Variants in SYT16 observed in about 807,000 individuals in gnomAD.
SYT16 encodes the protein synaptotagmin 16.
Under a neutral mutation model 61.4 loss-of-function variants are expected in SYT16, and 42 were observed. The ratio of observed to expected loss-of-function variants is 0.68; its 90% CI spans 0.53 to 0.89. The LOEUF is 0.89. SYT16 is among the 40% of genes least tolerant of loss of function. The pLI is 0.00. For missense variants in SYT16, 804 were observed against 807.3 expected (o/e 1.00, Z 0.05); for synonymous variants, 314 against 302.3 (o/e 1.04, Z -0.40).
At chr14:62,081,840 G>A (rs763021070) in intron 6 of SYT16, among the ~76,000 whole-genome samples, 3 of 152,208 alleles carry the variant, frequency 2.0e-5, no homozygotes, top group Non-Finnish European at 4.4e-5. Flanking sequence ...ATGTCATGTA[G>A]TATGCCCATC....
Position 62,103,938 on chromosome 14 carries a change from A to T in SYT16, c.*3231A>T, listed in dbSNP as rs1003063668. 1 of 152,234 alleles carries T rather than the reference A, an allele frequency of 6.6e-6. No individual in the cohort carries two copies. The highest frequency in any genetic ancestry group is 2.4e-5 in the African/African-American group (1 of 41,472). 9.4% of individuals were successfully genotyped at this position (152,234 alleles called of 1,614,324 possible). A position where few individuals can be genotyped will look rare whatever the true frequency, so the allele number is the denominator to read the frequency against. On this transcript the variant is annotated 3_prime_UTR_variant, in exon 8 of 8. Coordinates refer to ENST00000683842, the MANE Select transcript of SYT16 (RefSeq NM_001367656.1). ...AATATTCTCCATAGTCCTAGGTGCCAGTGAGCCTGAAACACAGCTTCTGCC... is the reference window on the plus strand; with the variant it reads ...AATATTCTCCATAGTCCTAGGTGCCTGTGAGCCTGAAACACAGCTTCTGCC...
At chr14:62,082,630 C>T (rs1443349550) in intron 6 of SYT16, among the ~76,000 whole-genome samples, 1 of 152,200 alleles carries the variant, frequency 6.6e-6, no homozygotes, top group Non-Finnish European at 1.5e-5. Context: ...CAGATGATGT[C>T]TCAGCTCTGC....
intron 1 of SYT16, among the ~76,000 whole-genome samples, chr14:61,849,698 G>A (rs1490183404): frequency 1.3e-5 from 2 of 152,196 alleles, no homozygotes; most frequent in East Asian, 1.9e-4. Context: ...GGGTGGGAGA[G>A]GGGTGGCATT....
intron 1 of SYT16, among the ~76,000 whole-genome samples, chr14:61,837,973 C>A (rs1367623770): frequency 1.3e-5 from 2 of 152,188 alleles, no homozygotes; most frequent in Non-Finnish European, 2.9e-5. Flanking sequence ...TAGCTTTAAA[C>A]AGAAATATAT....
chr14:61,828,829 A>T (rs2045852104), intron 1 of SYT16, among the ~76,000 whole-genome samples: 1 of 152,234 alleles, frequency 6.6e-6, no homozygotes, highest in South Asian at 2.1e-4. Flanking sequence ...GACAGACAAT[A>T]CAGATCAAAT....
chr14:61,956,230 T>C (rs1339623899), intron 1 of SYT16, among the ~76,000 whole-genome samples: 1 of 152,094 alleles, frequency 6.6e-6, no homozygotes, highest in East Asian at 1.9e-4. Flanking sequence ...TCTGAAAATA[T>C]TTTCCCTCAT....
intron 2 of SYT16, among the ~76,000 whole-genome samples, chr14:61,991,972 T>TCATG (rs1429736520): frequency 6.6e-6 from 1 of 151,276 alleles, no homozygotes; most frequent in African/African-American, 2.5e-5. Context: ...ATTCATTCAT[T>TCATG]CATTCATTCA....
intron 1 of SYT16, among the ~76,000 whole-genome samples, chr14:61,917,000 C>G (rs886247839): frequency 6.6e-6 from 1 of 152,068 alleles, no homozygotes; most frequent in Admixed American, 6.6e-5. Flanking sequence ...TTGATAGACA[C>G]TTAGGTTGAT....
intron 3 of SYT16, among the ~76,000 whole-genome samples, chr14:62,007,687 A>T (rs188368971): frequency 1.3e-5 from 2 of 152,142 alleles, no homozygotes; most frequent in African/African-American, 4.8e-5. Flanking sequence ...AGACAATTCA[A>T]TCCTTACTTT....
At chr14:62,052,267 T>C (rs887525757) in intron 3 of SYT16, among the ~76,000 whole-genome samples, 1 of 152,214 alleles carries the variant, frequency 6.6e-6, no homozygotes, top group Non-Finnish European at 1.5e-5. Context: ...TGATATGTGA[T>C]GTGTTCATTA....
At chr14:61,931,407 G>A (rs2049760723) in intron 1 of SYT16, among the ~76,000 whole-genome samples, 1 of 151,722 alleles carries the variant, frequency 6.6e-6, no homozygotes, top group Admixed American at 6.6e-5. Context: ...TTATGTGATA[G>A]CATTTTATTG....
intron 1 of SYT16, among the ~76,000 whole-genome samples, chr14:61,821,729 C>T (rs1329124888): frequency 6.6e-6 from 1 of 152,178 alleles, no homozygotes; most frequent in Non-Finnish European, 1.5e-5. Flanking sequence ...TGGCTAGTAG[C>T]AAGTCATAGG....
intron 3 of SYT16, among the ~76,000 whole-genome samples, chr14:62,015,533 G>C (rs936866050): frequency 2.0e-5 from 3 of 152,148 alleles, no homozygotes; most frequent in Non-Finnish European, 4.4e-5. Context: ...GCTATGATCT[G>C]AAGGTTTTTG....
At chr14:61,914,482 G>A (rs967714276) in intron 1 of SYT16, among the ~76,000 whole-genome samples, 1 of 152,100 alleles carries the variant, frequency 6.6e-6, no homozygotes, top group Non-Finnish European at 1.5e-5. Context: ...TTTCACTTAA[G>A]TGTCCAGTAG....
intron 1 of SYT16, chr14:61,864,954 T>C (rs949658321): frequency 2.8e-5 from 37 of 1,320,462 alleles, no homozygotes; most frequent in Non-Finnish European, 3.9e-5. Context: ...GCCTTGAAAG[T>C]GCTGAAAATT....
intron 3 of SYT16, among the ~76,000 whole-genome samples, chr14:62,057,846 A>G (rs1393083746): frequency 6.6e-6 from 1 of 152,204 alleles, no homozygotes; most frequent in African/African-American, 2.4e-5. Context: ...GAGTTTTGAC[A>G]TATTGTACTT....
At chr14:62,004,455 C>T (rs1404589798) in intron 3 of SYT16, among the ~76,000 whole-genome samples, 2 of 151,970 alleles carry the variant, frequency 1.3e-5, no homozygotes, top group Non-Finnish European at 2.9e-5. Context: ...AGAGGGAAAC[C>T]GTATAATCCT....
Position 62,100,841 on chromosome 14 carries a change from G to A in SYT16, c.*134G>A. ...CTAACCCCTAGGACATTGTGAGTGGGAGTTTTGGGTTTCTCAATGGTCTGA... is the reference window on the plus strand; with the variant it reads ...CTAACCCCTAGGACATTGTGAGTGGAAGTTTTGGGTTTCTCAATGGTCTGA... On this transcript the variant is annotated 3_prime_UTR_variant, in exon 8 of 8. Transcript: ENST00000683842. 2 of 872,254 alleles carry A rather than the reference G, an allele frequency of 2.3e-6. No individual in the cohort carries two copies. Among genetic ancestry groups the A allele is most frequent in the South Asian group, 1.8e-5 (1 of 54,080 alleles). 54.0% of individuals were successfully genotyped at this position (872,254 alleles called of 1,614,324 possible).
chr14:62,033,234 A>AC (rs11444612), intron 3 of SYT16, among the ~76,000 whole-genome samples: 152,156 of 152,158 alleles, frequency 1, 76,077 homozygotes, highest in Middle Eastern at 1. Flanking sequence ...AAGAATGTGT[A>AC]CTTCGGATTG....
Sources: gnomAD v4.1 joint callset for allele counts (sites outside exome capture counted in the v4.1 genomes callset) on GRCh38, gnomAD v4.1.1 for gene constraint, MANE v1.5 for transcripts, NCBI Gene and HGNC (gene_info 2026-07-23, HGNC 2026-07-21) for gene names.